Variants in THRB observed in about 807,000 individuals in gnomAD.
THRB encodes nuclear receptor subfamily 1 group A member 2.
THRB carries 12 observed loss-of-function variants against 47.8 expected under a neutral mutation model. The ratio of observed to expected loss-of-function variants is 0.25; its 90% CI spans 0.16 to 0.41. The LOEUF (loss-of-function observed/expected upper bound fraction) is 0.41, where lower values mean the gene tolerates loss of function less well. THRB is among the 10% of genes least tolerant of loss of function. The probability of loss-of-function intolerance (pLI) is 1.00; values close to 1 mark genes in which losing one functional copy is unlikely to be tolerated. For missense variants in THRB, 348 were observed against 589.2 expected (o/e 0.59, Z 4.24); for synonymous variants, 218 against 212.2 (o/e 1.03, Z -0.24).
chr3:24,317,627 A>G (rs530259084), intron 2 of THRB, among the ~76,000 whole-genome samples: 15 of 152,186 alleles, frequency 9.9e-5, no homozygotes, highest in Non-Finnish European at 1.9e-4. Context: ...AACACAACAC[A>G]ACACAACAAA....
At chr3:24,191,952 G>T (rs1210867124) in intron 4 of THRB, among the ~76,000 whole-genome samples, 1 of 152,172 alleles carries the variant, frequency 6.6e-6, no homozygotes, top group Non-Finnish European at 1.5e-5. Context: ...TGTAACATTT[G>T]ATCTTATTCA....
chr3:24,194,665 G>A (rs763733982), intron 4 of THRB, among the ~76,000 whole-genome samples: 1 of 152,194 alleles, frequency 6.6e-6, no homozygotes, highest in African/African-American at 2.4e-5. Context: ...CTGATCCAAA[G>A]TGTTCTTTTG....
chr3:24,137,485 T>C (rs2034827581), intron 8 of THRB, among the ~76,000 whole-genome samples: 1 of 152,114 alleles, frequency 6.6e-6, no homozygotes, highest in South Asian at 2.1e-4. Flanking sequence ...CAAGGCCCCT[T>C]TGAGAAGCAA....
chr3:24,242,591 A>G (rs1293021571), intron 3 of THRB, among the ~76,000 whole-genome samples: 1 of 151,926 alleles, frequency 6.6e-6, no homozygotes, highest in East Asian at 1.9e-4. Flanking sequence ...GTTAAACCTT[A>G]TTTTTTTCTC....
At chr3:24,170,163 C>T (rs2040239909) in intron 5 of THRB, among the ~76,000 whole-genome samples, 1 of 152,168 alleles carries the variant, frequency 6.6e-6, no homozygotes, top group Non-Finnish European at 1.5e-5. Context: ...ACAGTAGTCC[C>T]ATCTTGGCAC....
At chr3:24,345,299 A>G (rs1010548577) in intron 1 of THRB, among the ~76,000 whole-genome samples, 4 of 152,162 alleles carry the variant, frequency 2.6e-5, no homozygotes, top group Non-Finnish European at 4.4e-5. Context: ...ACCACTTCAG[A>G]GAATCATTCC....
chr3:24,401,477 C>T (rs536573457), intron 1 of THRB, among the ~76,000 whole-genome samples: 27 of 152,064 alleles, frequency 1.8e-4, no homozygotes, highest in East Asian at 9.7e-4. Flanking sequence ...TATTTTATTT[C>T]GTTATTGATT....
At chr3:24,309,795 A>G (rs1293930993) in intron 2 of THRB, among the ~76,000 whole-genome samples, 2 of 152,224 alleles carry the variant, frequency 1.3e-5, no homozygotes, top group African/African-American at 4.8e-5. Flanking sequence ...AATGCACAGA[A>G]TTTGAAAATA....
chr3:24,139,556 G>C (rs2035169368), intron 8 of THRB, among the ~76,000 whole-genome samples: 1 of 151,884 alleles, frequency 6.6e-6, no homozygotes. Flanking sequence ...GGCTAAATTT[G>C]TTTATTTTTT....
intron 2 of THRB, among the ~76,000 whole-genome samples, chr3:24,314,109 TTAAC>T (rs1307256357): frequency 6.6e-6 from 1 of 152,244 alleles, no homozygotes; most frequent in Admixed American, 6.5e-5. Context: ...CTGCTGTCAT[TTAAC>T]TAGCCCAATC....
At chr3:24,129,689 T>C (rs145707801) in intron 9 of THRB, among the ~76,000 whole-genome samples, 1 of 152,350 alleles carries the variant, frequency 6.6e-6, no homozygotes, top group Non-Finnish European at 1.5e-5. Flanking sequence ...AATGCTTTCA[T>C]TGTGAGAACA....
At chr3:24,393,471 T>A (rs1261473002) in intron 1 of THRB, among the ~76,000 whole-genome samples, 2 of 152,118 alleles carry the variant, frequency 1.3e-5, no homozygotes, top group Non-Finnish European at 2.9e-5. Context: ...TCTTGGCCCA[T>A]AAATATCTGC....
At chr3:24,362,487 A>ATTTCCCCATTCCTT (rs1253681101) in intron 1 of THRB, among the ~76,000 whole-genome samples, 1 of 152,028 alleles carries the variant, frequency 6.6e-6, no homozygotes, top group African/African-American at 2.4e-5. Context: ...CCCCATTCCT[A>ATTTCCCCATTCCTT]CATTCCCCTT....
chr3:24,289,757 C>G (rs2055729178), intron 3 of THRB, among the ~76,000 whole-genome samples: 1 of 152,192 alleles, frequency 6.6e-6, no homozygotes, highest in Admixed American at 6.5e-5. Flanking sequence ...TGAAATCTCT[C>G]TAACATATTT....
chr3:24,135,564 T>G (rs879312046), intron 8 of THRB, among the ~76,000 whole-genome samples: 7 of 152,114 alleles, frequency 4.6e-5, no homozygotes, highest in African/African-American at 1.7e-4. Context: ...GCAGGCAGAA[T>G]TGATGAAATA....
chr3:24,134,372 G>A (rs554643566), intron 8 of THRB, among the ~76,000 whole-genome samples: 12 of 152,176 alleles, frequency 7.9e-5, no homozygotes, highest in Non-Finnish European at 1.5e-4. Flanking sequence ...CCTTCAGGAA[G>A]AGTCTGCTCC....
intron 1 of THRB, among the ~76,000 whole-genome samples, chr3:24,466,694 T>C (rs1459797093): frequency 6.6e-6 from 1 of 152,146 alleles, no homozygotes; most frequent in South Asian, 2.1e-4. Context: ...TATAGTGTAG[T>C]CTATTAAGTG....
In THRB at chr3:24,175,040, CA is replaced by C. The variant is rs2040959502; in HGVS notation, c.283+15033del. Among the ~76,000 whole-genome samples, 9 of 152,304 alleles carry C rather than the reference CA, an allele frequency of 5.9e-5. No individual in the cohort carries two copies. The South Asian group carries it at 1.9e-3, about 32-fold the overall frequency. On this transcript the variant is annotated intron_variant, in intron 5 of 10. Coordinates refer to ENST00000646209, the MANE Select transcript of THRB (RefSeq NM_001354712.2). ...CATGCAGTGATTCTTCGTGGTTTGTCATCTGTCCTCTTTGATGAGTCCAGAA... is the reference window on the plus strand; with the variant it reads ...CATGCAGTGATTCTTCGTGGTTTGTCTCTGTCCTCTTTGATGAGTCCAGAA...
intron 3 of THRB, among the ~76,000 whole-genome samples, chr3:24,295,518 T>A: frequency 6.6e-6 from 1 of 152,258 alleles, no homozygotes; most frequent in Non-Finnish European, 1.5e-5. Flanking sequence ...AGACAAGTTT[T>A]TGTTCAGAAG....
Sources: gnomAD v4.1 joint callset for allele counts (sites outside exome capture counted in the v4.1 genomes callset) on GRCh38, gnomAD v4.1.1 for gene constraint, MANE v1.5 for transcripts, NCBI Gene and HGNC (gene_info 2026-07-23, HGNC 2026-07-21) for gene names.